Variants in PCDH15 observed in about 807,000 individuals in gnomAD.
PCDH15 encodes protocadherin related 15, also known as protocadherin-15.
A neutral mutation model predicts 178.5 loss-of-function variants in PCDH15; 129 were observed. That is an observed-to-expected ratio of 0.72 (90% CI 0.63 to 0.84). The LOEUF (loss-of-function observed/expected upper bound fraction) is 0.84. PCDH15 is among the 40% of genes least tolerant of loss of function. PCDH15 has a pLI of 0.00. For synonymous variants in PCDH15, 800 were observed against 732.0 expected (o/e 1.09, Z -1.50); for missense variants, 2,230 against 2,099.9 (o/e 1.06, Z -1.21).
intron 2 of PCDH15, among the ~76,000 whole-genome samples, chr10:55,497,409 C>G (rs965520106): frequency 6.6e-6 from 1 of 151,678 alleles, no homozygotes; most frequent in African/African-American, 2.4e-5. Flanking sequence ...GGATTACAAG[C>G]ATCAGCCACC....
At chr10:53,868,482 C>T (rs916927161) in intron 26 of PCDH15, among the ~76,000 whole-genome samples, 5 of 151,998 alleles carry the variant, frequency 3.3e-5, no homozygotes, top group Non-Finnish European at 7.4e-5. Context: ...TCTTAACCAG[C>T]TCTGTCTTAT....
intron 2 of PCDH15, among the ~76,000 whole-genome samples, chr10:54,555,771 A>G (rs570218722): frequency 4.6e-4 from 65 of 141,922 alleles, no homozygotes; most frequent in Non-Finnish European, 7.6e-4. Flanking sequence ...AAAAGAAAAA[A>G]GAAAAAGGAA....
chr10:54,740,255 A>T (rs1339944572), intron 1 of PCDH15, among the ~76,000 whole-genome samples: 1 of 151,914 alleles, frequency 6.6e-6, no homozygotes, highest in Admixed American at 6.6e-5. Flanking sequence ...GAGAAGATAC[A>T]CCAGTAGGTA....
chr10:54,943,417 AG>A (rs1296333238), intron 2 of PCDH15, among the ~76,000 whole-genome samples: 4 of 152,128 alleles, frequency 2.6e-5, no homozygotes, highest in Non-Finnish European at 4.4e-5. Flanking sequence ...CTATGTAATT[AG>A]GAAGTGGGTA....
intron 13 of PCDH15, among the ~76,000 whole-genome samples, chr10:54,161,581 G>A (rs2045716011): frequency 7.3e-6 from 1 of 137,720 alleles, no homozygotes; most frequent in African/African-American, 2.6e-5. Flanking sequence ...CACAGAAATT[G>A]ACCCCCCACC....
At chr10:54,417,934 AT>A (rs1565219894) in intron 3 of PCDH15, among the ~76,000 whole-genome samples, 1 of 152,144 alleles carries the variant, frequency 6.6e-6, no homozygotes. Flanking sequence ...AGAGGGTCTT[AT>A]TATTTTGCCC....
chr10:53,885,803 A>T (rs1365545789), intron 26 of PCDH15, among the ~76,000 whole-genome samples: 2 of 152,152 alleles, frequency 1.3e-5, no homozygotes, highest in South Asian at 2.1e-4. Flanking sequence ...TTTTCATGTA[A>T]ATAATACACT....
chr10:54,617,922 CAA>C (rs3071002), intron 2 of PCDH15, among the ~76,000 whole-genome samples: 63,990 of 124,814 alleles, frequency 0.51, 14,861 homozygotes, highest in Middle Eastern at 0.59. Context: ...GACTCCATTT[CAA>C]AAAAAAAAAA....
intron 1 of PCDH15, among the ~76,000 whole-genome samples, chr10:54,666,769 A>G (rs2094578857): frequency 6.6e-6 from 1 of 152,078 alleles, no homozygotes; most frequent in East Asian, 1.9e-4. Flanking sequence ...AGCAAAGGAC[A>G]AAAGGACATA....
intron 25 of PCDH15, among the ~76,000 whole-genome samples, chr10:53,904,843 C>A (rs1429386984): frequency 6.6e-6 from 1 of 152,136 alleles, no homozygotes; most frequent in African/African-American, 2.4e-5. Flanking sequence ...TAGAATATGT[C>A]ACCTTTCCAA....
At chr10:53,919,296 G>T (rs775014546) in intron 25 of PCDH15, among the ~76,000 whole-genome samples, 1 of 152,076 alleles carries the variant, frequency 6.6e-6, no homozygotes. Flanking sequence ...TGTAAAATTC[G>T]AAGGATCTAC....
intron 8 of PCDH15, among the ~76,000 whole-genome samples, chr10:54,293,408 C>A (rs138569613): frequency 0.013 from 2,042 of 152,232 alleles, 40 homozygotes; most frequent in South Asian, 0.045. Context: ...TAGGCATAGG[C>A]AAACACTTCA....
intron 2 of PCDH15, among the ~76,000 whole-genome samples, chr10:55,558,553 A>T (rs1253056663): frequency 6.6e-6 from 1 of 152,152 alleles, no homozygotes; most frequent in Non-Finnish European, 1.5e-5. Context: ...ACAACTGCAG[A>T]ATATTTTATT....
At chr10:55,300,815 T>A (rs185150338) in intron 1 of PCDH15, among the ~76,000 whole-genome samples, 111 of 152,282 alleles carry the variant, frequency 7.3e-4, no homozygotes, top group Admixed American at 2.1e-3. Flanking sequence ...TGCAGACAGA[T>A]CTTATCTGCC....
At position 55,139,769 on chromosome 10, in the gene PCDH15, C is replaced by A. The variant is rs1226641628; in HGVS notation, c.-80+26807G>T. On this transcript the variant is annotated intron_variant, in intron 2 of 5. Coordinates refer to the PCDH15 transcript ENST00000458638. ...TATTATTTTGTAACTATTATATTTT[C>A]TTTGCTTCTATAAATAAACTTGGGA... 2.0e-5 allele frequency among the ~76,000 whole-genome samples: 3 copies of A among 151,728 alleles called. No homozygotes were observed. In the East Asian group the frequency reaches 5.8e-4, roughly 29 times the overall value.
At chr10:55,183,231 G>A (rs1008873027) in intron 1 of PCDH15, among the ~76,000 whole-genome samples, 5 of 151,870 alleles carry the variant, frequency 3.3e-5, no homozygotes, top group African/African-American at 1.2e-4. Context: ...CCTTATGAAT[G>A]TCTCATTTTA....
At chr10:55,393,784 T>C (rs983259104) in intron 2 of PCDH15, among the ~76,000 whole-genome samples, 2 of 152,126 alleles carry the variant, frequency 1.3e-5, no homozygotes, top group Non-Finnish European at 2.9e-5. Context: ...TAAGCAACTA[T>C]AGACCTTAAA....
intron 3 of PCDH15, among the ~76,000 whole-genome samples, chr10:54,893,787 A>C (rs2131818641): frequency 6.6e-6 from 1 of 152,250 alleles, no homozygotes; most frequent in Non-Finnish European, 1.5e-5. Flanking sequence ...TTTCTGAATT[A>C]TTTACACGAC....
rs71007859 is a variant in PCDH15 at position 54,442,414 on chromosome 10, CTATATATATATATA to C, written c.158-63486_158-63473del. On this transcript the variant is annotated intron_variant, in intron 3 of 37. Transcript: ENST00000644397. The stretch of plus-strand genomic sequence containing the variant: ...TTAAAAAAAAAAAAGGCCTTAAAGG[CTATATATATATATA>C]TATATATATATATATATATATATAT... Among the ~76,000 whole-genome samples the C allele has an allele frequency of 1.6e-3, 30 of 19,192 alleles. 1 individual carries two copies. The highest frequency in any genetic ancestry group is 9.1e-3 in the South Asian group (3 of 330). The allele number at this position is 19,192 out of a possible 152,430, so 12.6% of individuals were successfully genotyped here.
Sources: gnomAD v4.1 joint callset for allele counts (sites outside exome capture counted in the v4.1 genomes callset) on GRCh38, gnomAD v4.1.1 for gene constraint, MANE v1.5 for transcripts, NCBI Gene and HGNC (gene_info 2026-07-23, HGNC 2026-07-21) for gene names.